REC114: variants seen among roughly 807,000 people sequenced by gnomAD.
REC114 encodes REC114 meiotic recombination protein, also known as meiotic recombination protein REC114.
Under a neutral mutation model 31.3 loss-of-function variants are expected in REC114, and 27 were observed. The observed-to-expected ratio is 0.86, with a 90% CI of 0.64 to 1.19. REC114 has a LOEUF of 1.19. Ranked by LOEUF, REC114 falls within the 50% of genes most tolerant of loss-of-function variation. REC114 has a pLI of 0.00. For synonymous variants in REC114, 134 were observed against 127.7 expected (o/e 1.05, Z -0.33); for missense variants, 344 against 326.9 (o/e 1.05, Z -0.40).
chr15:73,458,283 A>C (rs1892944375), intron 1 of REC114, among the ~76,000 whole-genome samples: 2 of 152,238 alleles, frequency 1.3e-5, no homozygotes, highest in Non-Finnish European at 2.9e-5. Context: ...CAAAAAGCTG[A>C]GGCCTAATTA....
At chr15:73,492,335 G>C (rs1444463223) in intron 2 of REC114, among the ~76,000 whole-genome samples, 2 of 152,076 alleles carry the variant, frequency 1.3e-5, no homozygotes, top group Non-Finnish European at 2.9e-5. Context: ...TATGGGACTT[G>C]TGCAAAATGA....
chr15:73,490,271 G>A lies in REC114; in HGVS notation c.249+16350G>A, dbSNP rs144569331. 4.8e-3 allele frequency among the ~76,000 whole-genome samples: 729 copies of A among 152,152 alleles called. 6 individuals carry two copies. Among genetic ancestry groups the A allele is most frequent in the African/African-American group, 0.017 (692 of 41,510 alleles). On this transcript the variant is annotated intron_variant, in intron 2 of 5. Coordinates refer to ENST00000331090, the MANE Select transcript of REC114 (RefSeq NM_001042367.2). ...CACAGTGCTCTTCACATTTTCTGTT[G>A]GGATACTAAGGTTTTGTTATGTATT... is the stretch of plus-strand genomic sequence containing the variant.
intron 3 of REC114, among the ~76,000 whole-genome samples, chr15:73,545,701 A>G (rs983980532): frequency 6.6e-6 from 1 of 152,190 alleles, no homozygotes; most frequent in Non-Finnish European, 1.5e-5. Flanking sequence ...TGATTATTAT[A>G]TACATTCACA....
chr15:73,463,586 C>G (rs1224261746), intron 1 of REC114, among the ~76,000 whole-genome samples: 1 of 152,036 alleles, frequency 6.6e-6, no homozygotes, highest in Non-Finnish European at 1.5e-5. Context: ...TTTGGGAGGC[C>G]CAGGTGGGTG....
chr15:73,488,588 A>T (rs546708615), intron 2 of REC114, among the ~76,000 whole-genome samples: 8 of 152,362 alleles, frequency 5.3e-5, no homozygotes, highest in African/African-American at 1.9e-4. Context: ...CACAAACACA[A>T]TTCAACCAAG....
At chr15:73,505,054 T>A (rs990791219) in intron 2 of REC114, among the ~76,000 whole-genome samples, 2 of 151,902 alleles carry the variant, frequency 1.3e-5, no homozygotes, top group Admixed American at 1.3e-4. Context: ...TTTTTCCTTA[T>A]CTGCTTGGGA....
At chr15:73,552,168 T>G (rs1894402427) in intron 4 of REC114, among the ~76,000 whole-genome samples, 1 of 152,228 alleles carries the variant, frequency 6.6e-6, no homozygotes, top group African/African-American at 2.4e-5. Context: ...TATTGCAACT[T>G]AACTTTAAGC....
At chr15:73,444,220 G>A (rs1024552133) in intron 1 of REC114, among the ~76,000 whole-genome samples, 1 of 152,172 alleles carries the variant, frequency 6.6e-6, no homozygotes, top group Admixed American at 6.5e-5. Flanking sequence ...CTTAAAATAA[G>A]ACAACAATGC....
intron 2 of REC114, among the ~76,000 whole-genome samples, chr15:73,535,870 C>T (rs372525487): frequency 0.082 from 12,475 of 151,490 alleles, 726 homozygotes; most frequent in African/African-American, 0.16. Flanking sequence ...GAGATAACAC[C>T]GCATATCTAC....
chr15:73,483,146 G>T (rs1453349105), intron 2 of REC114: 1 of 152,106 alleles, frequency 6.6e-6, no homozygotes, highest in East Asian at 1.9e-4. Context: ...TTTGTATCTT[G>T]TTTAGAGAAT....
chr15:73,543,003 T>A (rs898785131), intron 3 of REC114, among the ~76,000 whole-genome samples: 1 of 151,774 alleles, frequency 6.6e-6, no homozygotes, highest in Non-Finnish European at 1.5e-5. Context: ...CTGCTTCTAC[T>A]CTACTGGCAA....
At chr15:73,558,464 TATTTAA>T (rs1296880257) in intron 5 of REC114, among the ~76,000 whole-genome samples, 5 of 152,184 alleles carry the variant, frequency 3.3e-5, no homozygotes, top group Non-Finnish European at 7.4e-5. Context: ...ACTCTCCTAA[TATTTAA>T]ACGTTGACAA....
chr15:73,492,091 A>G (rs1422880226), intron 2 of REC114, among the ~76,000 whole-genome samples: 1 of 152,074 alleles, frequency 6.6e-6, no homozygotes, highest in Non-Finnish European at 1.5e-5. Flanking sequence ...CACATTTTTT[A>G]TATGCTTATT....
intron 2 of REC114, among the ~76,000 whole-genome samples, chr15:73,516,911 G>A (rs1442782171): frequency 1.3e-5 from 2 of 152,224 alleles, no homozygotes; most frequent in Non-Finnish European, 2.9e-5. Flanking sequence ...ACAGGCATGA[G>A]CCACTGTGTC....
At chr15:73,457,218 T>C (rs1459085090) in intron 1 of REC114, among the ~76,000 whole-genome samples, 1 of 152,146 alleles carries the variant, frequency 6.6e-6, no homozygotes, top group Non-Finnish European at 1.5e-5. Flanking sequence ...AATATTCTAC[T>C]CAATGTAAAT....
At chr15:73,551,381 C>G (rs1894390671) in intron 4 of REC114, among the ~76,000 whole-genome samples, 1 of 152,168 alleles carries the variant, frequency 6.6e-6, no homozygotes, top group Admixed American at 6.5e-5. Context: ...CAGTGGTTCT[C>G]AAAGTGTGGT....
chr15:73,519,350 A>T (rs1351867850), intron 2 of REC114, among the ~76,000 whole-genome samples: 1 of 152,196 alleles, frequency 6.6e-6, no homozygotes, highest in Admixed American at 6.5e-5. Context: ...GCAAGCCCTC[A>T]TCAGACACTG....
chr15:73,460,487 C>T (rs973379443), intron 1 of REC114, among the ~76,000 whole-genome samples: 5 of 152,124 alleles, frequency 3.3e-5, no homozygotes, highest in Non-Finnish European at 7.4e-5. Flanking sequence ...AATGACAGCA[C>T]TGTATCTGAG....
intron 3 of REC114, among the ~76,000 whole-genome samples, chr15:73,547,428 C>T (rs189635923): frequency 1.3e-5 from 2 of 152,026 alleles, no homozygotes; most frequent in East Asian, 3.9e-4. Context: ...AAAAGGGGAC[C>T]CTGTTAAATG....
Sources: allele counts gnomAD v4.1 joint callset (sites outside exome capture counted in the v4.1 genomes callset), GRCh38; gene constraint gnomAD v4.1.1; transcripts MANE v1.5; gene names NCBI Gene and HGNC (gene_info 2026-07-23, HGNC 2026-07-21).